Variants in UPF3A observed in about 807,000 individuals in gnomAD.
The protein encoded by UPF3A is UPF3A regulator of nonsense mediated mRNA decay.
A neutral mutation model predicts 53.5 loss-of-function variants in UPF3A; 42 were observed. That is an observed-to-expected ratio of 0.78 (90% confidence interval 0.61 to 1.01). The LOEUF (loss-of-function observed/expected upper bound fraction) is 1.01. Among genes scored for constraint, UPF3A ranks in the 50% least tolerant of loss-of-function variants. The pLI, the probability that UPF3A is intolerant of heterozygous loss-of-function variation, is 0.00. For synonymous variants in UPF3A, 237 were observed against 225.3 expected, an observed-to-expected ratio of 1.05 and a Z score of -0.47; for missense variants, 575 against 598.0, an observed-to-expected ratio of 0.96 and a Z score of 0.40.
At chr13:114,296,528 T>C (rs980417341) in intron 7 of UPF3A, among the ~76,000 whole-genome samples, 2 of 152,218 alleles carry the variant, frequency 1.3e-5, no homozygotes, top group Non-Finnish European at 2.9e-5. Context: ...TTCTGGGTTG[T>C]ATCCTTTATG....
chr13:114,299,792 G>A (rs552775037), intron 8 of UPF3A, among the ~76,000 whole-genome samples: 5 of 152,170 alleles, frequency 3.3e-5, no homozygotes, highest in South Asian at 2.1e-4. Context: ...ACTGCCTCTC[G>A]CCACCCACAG....
At chr13:114,291,019 G>A (rs1427591401) in intron 5 of UPF3A, among the ~76,000 whole-genome samples, 1 of 152,046 alleles carries the variant, frequency 6.6e-6, no homozygotes, top group African/African-American at 2.4e-5. Flanking sequence ...ACATGTGTGA[G>A]CCACCACGCC....
chr13:114,300,339 A>T (rs972341771), intron 8 of UPF3A, among the ~76,000 whole-genome samples: 3 of 152,132 alleles, frequency 2.0e-5, no homozygotes, highest in African/African-American at 7.2e-5. Context: ...GTAGAAAAGA[A>T]GGTTTATTTT....
At chr13:114,282,368 A>G in intron 2 of UPF3A, 1 of 1,115,408 alleles carries the variant, frequency 9.0e-7, no homozygotes, top group Non-Finnish European at 1.2e-6. Context: ...AACGCTTAGG[A>G]AAGCGGGTGC....
At position 114,304,926 on chromosome 13, in the gene UPF3A, A is replaced by G. The variant is rs2086906208; in HGVS notation, c.*9A>G. 2 of 1,611,166 alleles carry G rather than the reference A, an allele frequency of 1.2e-6. No homozygotes were observed. The highest frequency in any genetic ancestry group is 1.3e-5 in the African/African-American group (1 of 74,816). ...GGGAAGAGGCAGAGTGAGTCACTGCACGCACCTGGCCTCCATGGACGAGCA... is the reference window on the plus strand; with the variant it reads ...GGGAAGAGGCAGAGTGAGTCACTGCGCGCACCTGGCCTCCATGGACGAGCA... On this transcript the variant is annotated 3_prime_UTR_variant, in exon 10 of 10. Transcript: ENST00000375299.
chr13:114,293,131 C>G (rs2085488108), intron 7 of UPF3A, among the ~76,000 whole-genome samples: 1 of 145,540 alleles, frequency 6.9e-6, no homozygotes, highest in African/African-American at 2.5e-5. Flanking sequence ...CACCTATAAT[C>G]TCAGCACTTT....
intron 7 of UPF3A, among the ~76,000 whole-genome samples, chr13:114,292,549 AC>A (rs2085408584): frequency 6.9e-6 from 1 of 145,796 alleles, no homozygotes; most frequent in African/African-American, 2.6e-5. Flanking sequence ...CAGGTGTGTT[AC>A]GTGTTCATTT....
chr13:114,296,183 G>A (rs536419738), intron 7 of UPF3A, among the ~76,000 whole-genome samples: 4 of 152,186 alleles, frequency 2.6e-5, no homozygotes, highest in Non-Finnish European at 5.9e-5. Flanking sequence ...AGGAGTTTGA[G>A]ACCAGCCTGG....
At chr13:114,286,697 C>T (rs1159585772) in intron 5 of UPF3A, 68 bp downstream of exon 5, 5 of 1,305,386 alleles carry the variant, frequency 3.8e-6, no homozygotes, top group Middle Eastern at 1.9e-4. Flanking sequence ...TACGTTTTTT[C>T]TCTTTTTCTT....
At position 114,291,499 on chromosome 13, in the gene UPF3A, C is replaced by T. The variant is rs2085264300; in HGVS notation, c.642C>T (p.Thr214=). The T allele has an allele frequency of 6.2e-7, 1 of 1,606,422 alleles. No individual in the cohort carries two copies. The highest frequency in any genetic ancestry group is 1.3e-5 in the African/African-American group (1 of 74,554). The change falls in exon 6 of 10, where the codon ACC becomes ACT. Residue 214 remains threonine, a synonymous_variant. Transcript: ENST00000375299. ...ATTTTTGTGTTTTAGCTAGAAGAACCACACCTCTTTTGGAATATATTAAAA... is the reference window on the plus strand; with the variant it reads ...ATTTTTGTGTTTTAGCTAGAAGAACTACACCTCTTTTGGAATATATTAAAA... ...AKTRELIARR[T]TPLLEYIKNR... is the part of the protein sequence containing the mutation.
intron 3 of UPF3A, among the ~76,000 whole-genome samples, chr13:114,284,489 G>A (rs996414496): frequency 1.1e-4 from 16 of 144,940 alleles, no homozygotes; most frequent in Non-Finnish European, 1.9e-4. Context: ...TTGAGGTCAG[G>A]GGTTCGAGAC....
chr13:114,286,547 C>T lies in UPF3A; in HGVS notation c.549C>T (p.Thr183=), dbSNP rs774616550. 1.2e-6 allele frequency: 2 copies of T among 1,613,530 alleles called. No homozygotes were observed. Residue 183 remains threonine, a synonymous_variant, in exon 5 of 10, where the codon ACC becomes ACT. Transcript: ENST00000375299. The part of the protein sequence containing the change: ...DDPEYKKFLE[T]YCVEEEKTSA... The stretch of plus-strand genomic sequence containing the variant: ...CAGAATATAAGAAGTTTTTAGAAAC[C>T]TACTGTGTGGAGGAAGAGAAGACCA...
intron 1 of UPF3A, 69 bp downstream of exon 1, chr13:114,281,915 A>AGGGGAGGGAGGGGAGGGAGGGGAGGGG (rs2084064809): frequency 2.3e-6 from 1 of 435,104 alleles, no homozygotes; most frequent in African/African-American, 3.2e-5. Context: ...GAGGGGAGGG[A>AGGGGAGGGAGGGGAGGGAGGGGAGGGG]GGGGAGGGAG....
intron 7 of UPF3A, among the ~76,000 whole-genome samples, chr13:114,296,216 C>G (rs2085986449): frequency 6.6e-6 from 1 of 152,136 alleles, no homozygotes; most frequent in Non-Finnish European, 1.5e-5. Context: ...AACCCCGTCT[C>G]TACTAAAAAT....
Position 114,291,757 on chromosome 13 carries a change from CAG to C in UPF3A, c.813_814del (p.Lys272GlufsTer10). ...ERCKKKETDK[Q>X]KKIAEKEVRI... ...ATGCAAAAAAAAAGAGACAGATAAA[CAG>C]AAGAAAATTGCAGAGAAAGAAGTAA... On this transcript the variant is annotated frameshift_variant, in exon 7 of 10. Transcript: ENST00000375299. LOFTEE classifies it high-confidence loss of function. 6 of 1,590,978 alleles carry C rather than the reference CAG, an allele frequency of 3.8e-6. No homozygotes were observed. Among genetic ancestry groups the C allele is most frequent in the Non-Finnish European group, 5.1e-6 (6 of 1,168,200 alleles).
At chr13:114,297,692 G>A (rs779514653) in intron 7 of UPF3A, among the ~76,000 whole-genome samples, 23 of 152,174 alleles carry the variant, frequency 1.5e-4, no homozygotes, top group Admixed American at 2.6e-4. Flanking sequence ...AGCCAGGCAC[G>A]GTGGCAGGAG....
At chr13:114,288,077 T>G (rs1369546789) in intron 5 of UPF3A, among the ~76,000 whole-genome samples, 1 of 152,230 alleles carries the variant, frequency 6.6e-6, no homozygotes, top group African/African-American at 2.4e-5. Flanking sequence ...AGTACTGGGA[T>G]TACAGGCGTG....
At chr13:114,297,055 G>A (rs542187496) in intron 7 of UPF3A, among the ~76,000 whole-genome samples, 5 of 152,270 alleles carry the variant, frequency 3.3e-5, no homozygotes, top group African/African-American at 4.8e-5. Context: ...GATGAGAAGC[G>A]GCTTCCAATG....
chr13:114,302,166 G>C (rs1224650003), intron 9 of UPF3A, 141 bp downstream of exon 9: 2 of 737,052 alleles, frequency 2.7e-6, no homozygotes, highest in African/African-American at 3.6e-5. Context: ...TTTCCTGAAA[G>C]TCAGATCCCA....
Sources: allele counts gnomAD v4.1 joint callset (sites outside exome capture counted in the v4.1 genomes callset), GRCh38; gene constraint gnomAD v4.1.1; transcripts MANE v1.5; gene names NCBI Gene and HGNC (gene_info 2026-07-23, HGNC 2026-07-21).